Variants in KCNQ3 observed in about 807,000 individuals in gnomAD.
The protein encoded by KCNQ3 is potassium voltage-gated channel subfamily KQT member 3.
KCNQ3 carries 30 observed loss-of-function variants against 92.5 expected under a neutral mutation model. That is an observed-to-expected ratio of 0.32 (90% CI 0.24 to 0.44). The LOEUF (loss-of-function observed/expected upper bound fraction) is 0.44. Ranked by LOEUF, KCNQ3 falls within the 20% of genes least tolerant of loss-of-function variation. KCNQ3 has a pLI of 1.00. For missense variants in KCNQ3, 913 were observed against 1,140.3 expected, an observed-to-expected ratio of 0.80 and a Z score of 2.87; for synonymous variants, 450 against 468.8, an observed-to-expected ratio of 0.96 and a Z score of 0.52.
At chr8:132,254,262 A>G (rs1283615189) in intron 1 of KCNQ3, among the ~76,000 whole-genome samples, 1 of 152,196 alleles carries the variant, frequency 6.6e-6, no homozygotes, top group African/African-American at 2.4e-5. Flanking sequence ...AACTGGTGAT[A>G]GAGATAGATG....
intron 4 of KCNQ3, among the ~76,000 whole-genome samples, chr8:132,176,834 C>T (rs1826572781): frequency 6.6e-6 from 1 of 152,214 alleles, no homozygotes; most frequent in Non-Finnish European, 1.5e-5. Context: ...TTCTCCAAGC[C>T]TCCAACATTT....
intron 1 of KCNQ3, among the ~76,000 whole-genome samples, chr8:132,463,724 TCA>T (rs1236956191): frequency 1.3e-5 from 2 of 152,230 alleles, no homozygotes; most frequent in African/African-American, 4.8e-5. Flanking sequence ...ACATCAGAAC[TCA>T]CACTTTATCA....
chr8:132,374,779 C>G (rs1819566260), intron 1 of KCNQ3, among the ~76,000 whole-genome samples: 1 of 152,198 alleles, frequency 6.6e-6, no homozygotes, highest in Non-Finnish European at 1.5e-5. Context: ...AACGTGGTAT[C>G]TGGTTTTCTG....
chr8:132,378,940 G>C (rs1299404265), intron 1 of KCNQ3, among the ~76,000 whole-genome samples: 1 of 152,182 alleles, frequency 6.6e-6, no homozygotes, highest in Non-Finnish European at 1.5e-5. Context: ...TTAAATATGA[G>C]AGGAACTCAC....
intron 1 of KCNQ3, among the ~76,000 whole-genome samples, chr8:132,326,576 TG>T (rs1365203283): frequency 2.0e-5 from 3 of 152,168 alleles, no homozygotes; most frequent in African/African-American, 7.2e-5. Context: ...CCGTCATGAA[TG>T]GGATTAATAT....
At chr8:132,174,862 C>T (rs1021774241) in intron 5 of KCNQ3, among the ~76,000 whole-genome samples, 4 of 152,158 alleles carry the variant, frequency 2.6e-5, no homozygotes, top group African/African-American at 7.2e-5. Flanking sequence ...GTGTGGCCTC[C>T]GGAGCCTAAC....
chr8:132,341,841 A>G (rs756442984), intron 1 of KCNQ3, among the ~76,000 whole-genome samples: 1 of 152,218 alleles, frequency 6.6e-6, no homozygotes, highest in Non-Finnish European at 1.5e-5. Flanking sequence ...TCAGGCATCC[A>G]TGCAGTTTTT....
At chr8:132,420,356 C>T (rs193040369) in intron 1 of KCNQ3, among the ~76,000 whole-genome samples, 152 of 152,198 alleles carry the variant, frequency 1.0e-3, no homozygotes, top group African/African-American at 3.0e-3. Context: ...GGGTAAGTCC[C>T]GATGTGCCTT....
chr8:132,313,927 G>C (rs1817670131), intron 1 of KCNQ3, among the ~76,000 whole-genome samples: 1 of 152,170 alleles, frequency 6.6e-6, no homozygotes, highest in African/African-American at 2.4e-5. Context: ...GTAACCTTAT[G>C]AGATAGGTGC....
intron 1 of KCNQ3, among the ~76,000 whole-genome samples, chr8:132,264,810 T>G (rs1174877327): frequency 6.6e-6 from 1 of 152,228 alleles, no homozygotes; most frequent in East Asian, 1.9e-4. Context: ...ACAGGGTTTT[T>G]GTGAGGGTTA....
At chr8:132,443,813 A>G (rs1288147006) in intron 1 of KCNQ3, among the ~76,000 whole-genome samples, 1 of 152,076 alleles carries the variant, frequency 6.6e-6, no homozygotes, top group Non-Finnish European at 1.5e-5. Flanking sequence ...TCCAGTACCC[A>G]CTATGACCCT....
At chr8:132,393,512 G>A (rs1321427880) in intron 1 of KCNQ3, among the ~76,000 whole-genome samples, 1 of 152,166 alleles carries the variant, frequency 6.6e-6, no homozygotes, top group Non-Finnish European at 1.5e-5. Context: ...CAGGTGGTGA[G>A]TCGGGGCTGG....
chr8:132,447,294 C>G (rs1821708893), intron 1 of KCNQ3: 12 of 1,519,478 alleles, frequency 7.9e-6, no homozygotes, highest in Non-Finnish European at 1.1e-5. Flanking sequence ...AACCCTAAAG[C>G]AGGGCAGAAT....
intron 1 of KCNQ3, among the ~76,000 whole-genome samples, chr8:132,431,233 C>A (rs1821243086): frequency 6.6e-6 from 1 of 152,182 alleles, no homozygotes; most frequent in African/African-American, 2.4e-5. Flanking sequence ...TGATGTGGAC[C>A]ATTCCCATGT....
At chr8:132,215,104 ACT>A (rs1374718780) in intron 1 of KCNQ3, among the ~76,000 whole-genome samples, 9 of 152,326 alleles carry the variant, frequency 5.9e-5, no homozygotes, top group Middle Eastern at 3.4e-3. Context: ...GGAGCCATGC[ACT>A]CGGGCAGCTT....
chr8:132,246,973 C>T (rs1563823326), intron 1 of KCNQ3, among the ~76,000 whole-genome samples: 1 of 152,138 alleles, frequency 6.6e-6, no homozygotes, highest in Admixed American at 6.5e-5. Context: ...AAAGTACTTG[C>T]CAATAGCCAC....
rs1409966573 is a variant in KCNQ3 at position 132,134,261 on chromosome 8, G to T, written c.1799+29C>A. On this transcript the variant is annotated intron_variant, in intron 13 of 14. Transcript: ENST00000388996. ...ATGCTTTACAAACTTTGCACCCCTG[G>T]CCCATCAGTCCATGTCCACTGGCCC... 9.6e-6 allele frequency: 15 copies of T among 1,557,106 alleles called. No individual in the cohort carries two copies. The South Asian group carries it at 1.6e-4, about 16-fold the overall frequency.
chr8:132,231,161 G>A (rs906961244), intron 1 of KCNQ3, among the ~76,000 whole-genome samples: 1 of 152,210 alleles, frequency 6.6e-6, no homozygotes, highest in African/African-American at 2.4e-5. Flanking sequence ...GCCAAGGAAG[G>A]ATTCTCTCCT....
At chr8:132,429,861 CAAAAAAAAA>C (rs374921143) in intron 1 of KCNQ3, among the ~76,000 whole-genome samples, 1 of 64,102 alleles carries the variant, frequency 1.6e-5, no homozygotes, top group Non-Finnish European at 3.2e-5. Flanking sequence ...AACTCCTTCT[CAAAAAAAAA>C]AAAAAAAAAA....
Sources: allele counts gnomAD v4.1 joint callset (sites outside exome capture counted in the v4.1 genomes callset), GRCh38; gene constraint gnomAD v4.1.1; transcripts MANE v1.5; gene names NCBI Gene and HGNC (gene_info 2026-07-23, HGNC 2026-07-21).